EXOC3L2: variants seen among roughly 807,000 people sequenced by gnomAD.
EXOC3L2 encodes exocyst complex component 3-like protein 2.
EXOC3L2 carries 17 observed loss-of-function variants against 44.4 expected under a neutral mutation model. The ratio of observed to expected loss-of-function variants is 0.38; its 90% CI spans 0.26 to 0.57. EXOC3L2 has a LOEUF of 0.57. Among genes scored for constraint, EXOC3L2 ranks in the 20% least tolerant of loss-of-function variants. EXOC3L2 has a pLI of 0.65. For synonymous variants in EXOC3L2, 256 were observed against 253.7 expected (o/e 1.01, Z -0.09); for missense variants, 541 against 588.4 (o/e 0.92, Z 0.83).
At chr19:45,216,033 G>GCCAGGCA in intron 11 of EXOC3L2, 40 bp downstream of exon 11, 1 of 1,608,234 alleles carries the variant, frequency 6.2e-7, no homozygotes, top group Non-Finnish European at 8.5e-7. Context: ...GGAGACCTCG[G>GCCAGGCA]CCAGGCACGG....
intron 8 of EXOC3L2, 144 bp from the exon 9 acceptor site, chr19:45,218,463 T>G: frequency 8.8e-7 from 1 of 1,139,322 alleles, no homozygotes; most frequent in Non-Finnish European, 1.2e-6. Context: ...GCCCCAGCCC[T>G]GGCATCCTTG....
intron 2 of EXOC3L2, among the ~76,000 whole-genome samples, chr19:45,236,996 C>A (rs544162713): frequency 6.7e-6 from 1 of 148,566 alleles, no homozygotes; most frequent in African/African-American, 2.5e-5. Context: ...CAGAGTGAGA[C>A]CCTGTCTCAA....
intron 3 of EXOC3L2, among the ~76,000 whole-genome samples, chr19:45,233,216 A>AAAATAAATAAAT (rs370700043): frequency 9.0e-4 from 137 of 151,932 alleles, no homozygotes; most frequent in African/African-American, 3.1e-3. Flanking sequence ...ACTCCGTCTC[A>AAAATAAATAAAT]AAATAAATAA....
intron 4 of EXOC3L2, among the ~76,000 whole-genome samples, chr19:45,230,367 C>T (rs1599765939): frequency 1.3e-5 from 2 of 152,082 alleles, no homozygotes; most frequent in Non-Finnish European, 2.9e-5. Context: ...TATAGGCACC[C>T]GCCACCATGC....
rs2122947757 is a variant in EXOC3L2, at chr19:45,213,063, T to G, written c.*6A>C. 1 of 1,474,560 alleles carries G rather than the reference T, an allele frequency of 6.8e-7. No individual in the cohort carries two copies. The highest frequency in any genetic ancestry group is 8.9e-7 in the Non-Finnish European group (1 of 1,117,376). The allele number at this position is 1,474,560 out of a possible 1,614,324, so 91.3% of individuals were successfully genotyped here. A position where few individuals can be genotyped will look rare whatever the true frequency, so the allele number is the denominator to read the frequency against. On this transcript the variant is annotated 3_prime_UTR_variant, in exon 12 of 12. Transcript: ENST00000413988. ...GGGGTCACTAAGGCCGGCGGTTGGGTGACCCTCAGCGCTGGGCCCGAGGTC... is the reference window on the plus strand; with the variant it reads ...GGGGTCACTAAGGCCGGCGGTTGGGGGACCCTCAGCGCTGGGCCCGAGGTC...
intron 7 of EXOC3L2, among the ~76,000 whole-genome samples, chr19:45,226,952 A>G (rs1237423112): frequency 1.5e-5 from 2 of 133,432 alleles, no homozygotes. Context: ...ACAAGGTTTC[A>G]CTGTGTTAGC....
chr19:45,213,278 G>C lies in EXOC3L2; in HGVS notation c.2200C>G (p.Arg734Gly), dbSNP rs771973379. 8.7e-6 allele frequency: 14 copies of C among 1,613,630 alleles called. No individual in the cohort carries two copies. Among genetic ancestry groups the C allele is most frequent in the Admixed American group, 1.7e-5 (1 of 59,946 alleles). ...CCCTCCTCAGAGAGTTCCAGGTCCCGGGCCACGGCCAGGATCTCCTGGCGG... is the reference window on the plus strand; with the variant it reads ...CCCTCCTCAGAGAGTTCCAGGTCCCCGGCCACGGCCAGGATCTCCTGGCGG... The part of the protein sequence containing the change: ...AARQEILAVA[R>G]DLELSEEGAL... Residue 734 changes from arginine to glycine, a missense_variant, in exon 12 of 12, where the codon CGG (arginine) becomes GGG (glycine). Coordinates refer to ENST00000413988, the MANE Select transcript of EXOC3L2 (RefSeq NM_001382422.1).
At chr19:45,226,704 G>GGGATTACA (rs1969964415) in intron 7 of EXOC3L2, among the ~76,000 whole-genome samples, 1 of 150,312 alleles carries the variant, frequency 6.7e-6, no homozygotes, top group African/African-American at 2.5e-5. Context: ...CCAAAGTGCT[G>GGGATTACA]GGATTACAGG....
Position 45,227,078 on chromosome 19 carries a change from TTAAAC to T in EXOC3L2, c.1583+579_1583+583del, listed in dbSNP as rs564613192. Among the ~76,000 whole-genome samples the T allele has an allele frequency of 2.0e-4, 30 of 147,936 alleles. No homozygotes were observed. In the East Asian group the frequency reaches 5.9e-3, roughly 29 times the overall value. On this transcript the variant is annotated intron_variant, in intron 7 of 11. Transcript: ENST00000413988. ...CCCATCTCTCTCTCTTTTTTTTTAG[TTAAAC>T]TAATCAAAAAGGATAAAAAGGCAAA...
chr19:45,219,662 G>A (rs1476153691), intron 8 of EXOC3L2, among the ~76,000 whole-genome samples: 1 of 152,152 alleles, frequency 6.6e-6, no homozygotes, highest in Admixed American at 6.6e-5. Context: ...GTGAAAGTGG[G>A]TGGAACCTGT....
Position 45,216,162 on chromosome 19 carries a change from C to A in EXOC3L2, c.2031G>T (p.Val677=), listed in dbSNP as rs961037954. ...GCTGCATGACTTCAGCCAAATGGGGCACCACGGCATCCAGCCACGAGGCCT... is the reference window on the plus strand; with the variant it reads ...GCTGCATGACTTCAGCCAAATGGGGAACCACGGCATCCAGCCACGAGGCCT... ...ESQASWLDAV[V]PHLAEVMQLE... is the part of the protein sequence containing the mutation. The change falls in exon 11 of 12, where the codon GTG becomes GTT. Residue 677 remains valine (V), a synonymous_variant. Transcript: ENST00000413988. The A allele has an allele frequency of 1.9e-6, 3 of 1,613,894 alleles. No individual in the cohort carries two copies. Among genetic ancestry groups the A allele is most frequent in the South Asian group, 1.1e-5 (1 of 91,078 alleles).
At chr19:45,221,376 G>T (rs975272052) in intron 8 of EXOC3L2, among the ~76,000 whole-genome samples, 1 of 151,658 alleles carries the variant, frequency 6.6e-6, no homozygotes, top group Non-Finnish European at 1.5e-5. Context: ...GTTTTGAGAC[G>T]GAATCTCGCT....
intron 11 of EXOC3L2, among the ~76,000 whole-genome samples, chr19:45,213,770 C>T (rs1464504935): frequency 1.3e-5 from 2 of 151,228 alleles, no homozygotes; most frequent in African/African-American, 4.9e-5. Flanking sequence ...CATGGCGAAA[C>T]CCTCTCTCTA....
intron 10 of EXOC3L2, chr19:45,216,805 C>T (rs1969840076): frequency 6.6e-6 from 1 of 152,118 alleles, no homozygotes; most frequent in African/African-American, 2.4e-5. Flanking sequence ...CTTACATCTG[C>T]ATGTGAATCT....
chr19:45,231,946 C>T lies in EXOC3L2; in HGVS notation c.1158-72G>A. 4 of 898,242 alleles carry T rather than the reference C, an allele frequency of 4.5e-6. No individual in the cohort carries two copies. In the South Asian group the frequency reaches 7.6e-5, roughly 17 times the overall value. 55.6% of individuals were successfully genotyped at this position (898,242 alleles called of 1,614,324 possible). A position where few individuals can be genotyped will look rare whatever the true frequency, so the allele number is the denominator to read the frequency against. On this transcript the variant is annotated intron_variant, in intron 3 of 11. Coordinates refer to ENST00000413988, the MANE Select transcript of EXOC3L2 (RefSeq NM_001382422.1). ...GGGCAGTTGGAACCTTCCCCACACC[C>T]TCCTACCCACTGTTTCTGTGACCCT...
chr19:45,225,144 G>A (rs1254142799), intron 7 of EXOC3L2, among the ~76,000 whole-genome samples: 1 of 150,888 alleles, frequency 6.6e-6, no homozygotes, highest in Non-Finnish European at 1.5e-5. Context: ...GGGGGGCTGA[G>A]GGATGGCTAG....
Position 45,212,933 on chromosome 19 carries a change from G to T in EXOC3L2, c.*136C>A. The stretch of plus-strand genomic sequence containing the variant: ...CCTTCTGTACAGGGAGTTTGGGGTT[G>T]GGTGAAAAGACATCTAAGGGTCTTT... On this transcript the variant is annotated 3_prime_UTR_variant, in exon 12 of 12. Coordinates refer to ENST00000413988, the MANE Select transcript of EXOC3L2 (RefSeq NM_001382422.1). 1.0e-6 allele frequency: 1 copy of T among 1,003,930 alleles called. No homozygotes were observed. Among genetic ancestry groups the T allele is most frequent in the Non-Finnish European group, 1.4e-6 (1 of 735,252 alleles). 62.2% of individuals were successfully genotyped at this position (1,003,930 alleles called of 1,614,324 possible).
At chr19:45,219,392 T>TTAAAAAAAAAAAAAAA (rs1358373692) in intron 8 of EXOC3L2, among the ~76,000 whole-genome samples, 1 of 54,448 alleles carries the variant, frequency 1.8e-5, no homozygotes, top group African/African-American at 1.2e-4. Flanking sequence ...AGGCCCCGTC[T>TTAAAAAAAAAAAAAAA]CAAAAAAAAA....
chr19:45,229,240 TTAAA>T (rs1970001646), intron 4 of EXOC3L2, among the ~76,000 whole-genome samples: 1 of 123,540 alleles, frequency 8.1e-6, no homozygotes, highest in Non-Finnish European at 1.7e-5. Context: ...TATTTATGTA[TTAAA>T]TATATACATA....
Sources: allele counts gnomAD v4.1 joint callset (sites outside exome capture counted in the v4.1 genomes callset), GRCh38; gene constraint gnomAD v4.1.1; transcripts MANE v1.5; gene names NCBI Gene and HGNC (gene_info 2026-07-23, HGNC 2026-07-21).